C8orf76: variants seen among roughly 807,000 people sequenced by gnomAD.
The protein encoded by C8orf76 is chromosome 8 open reading frame 76.
A neutral mutation model predicts 38.1 loss-of-function variants in C8orf76; 46 were observed. The ratio of observed to expected loss-of-function variants is 1.21; its 90% confidence interval spans 0.95 to 1.54. The LOEUF (loss-of-function observed/expected upper bound fraction) is 1.54, where lower values mean the gene tolerates loss of function less well. Ranked by LOEUF, C8orf76 falls within the 40% of genes most tolerant of loss-of-function variation. C8orf76 has a pLI of 0.00. For missense variants in C8orf76, 461 were observed against 441.6 expected (o/e 1.04, Z -0.39); for synonymous variants, 166 against 167.5 (o/e 0.99, Z 0.07).
intron 2 of C8orf76, chr8:123,238,841 T>A (rs1217499658): frequency 2.0e-6 from 1 of 508,338 alleles, no homozygotes; most frequent in African/African-American, 1.9e-5. Flanking sequence ...CCCAAAGAGA[T>A]CCTTTTGTTG....
intron 5 of C8orf76, 77 bp from the exon 6 acceptor site, chr8:123,220,374 G>C: frequency 9.0e-7 from 1 of 1,117,024 alleles, no homozygotes. Context: ...AACTGCGAAG[G>C]CTTTCATTCA....
chr8:123,222,322 T>G (rs1045434658), intron 5 of C8orf76, among the ~76,000 whole-genome samples: 25 of 152,370 alleles, frequency 1.6e-4, no homozygotes, highest in Admixed American at 8.5e-4. Flanking sequence ...TCAAATGATA[T>G]GTCTTAAAAC....
Position 123,220,151 on chromosome 8 carries a change from G to C in C8orf76, c.1095C>G (p.Phe365Leu). 1 of 1,613,078 alleles carries C rather than the reference G, an allele frequency of 6.2e-7. No homozygotes were observed. The highest frequency in any genetic ancestry group is 8.5e-7 in the Non-Finnish European group (1 of 1,179,730). ...DKWFRKIKDH[F>L]CPFENQFHTE... ...TATGGAACTGATTTTCAAATGGACA[G>C]AAATGGTCTTTGATCTTTCTGAACC... Residue 365 changes from phenylalanine (F) to leucine (L), a missense_variant, in exon 6 of 6, where the codon TTC (phenylalanine) becomes TTG (leucine). By Grantham distance (22) the Phe-to-Leu change is conservative. Transcript: ENST00000276704.
chr8:123,237,722 G>T, intron 3 of C8orf76, 76 bp downstream of exon 3: 1 of 1,494,432 alleles, frequency 6.7e-7, no homozygotes, highest in Non-Finnish European at 8.9e-7. Context: ...CAAGAAGTTT[G>T]TTTTGTTTTC....
intron 3 of C8orf76, among the ~76,000 whole-genome samples, chr8:123,236,327 A>C (rs1348405378): frequency 1.3e-5 from 2 of 152,184 alleles, no homozygotes; most frequent in African/African-American, 4.8e-5. Flanking sequence ...AAACTAGTCC[A>C]TTTAGACTAA....
Position 123,220,204 on chromosome 8 carries a change from C to T in C8orf76, c.1042G>A (p.Val348Ile). The T allele has an allele frequency of 6.2e-7, 1 of 1,613,836 alleles. No homozygotes were observed. ...GSVALTALVT[V>I]SSEEFEDKWF... Reference sequence around the variant, plus strand: ...TTGTCTTCAAATTCTTCTGAGGATACAGTCACCAAGGCAGTCAGGGCTACG... The same window carrying T: ...TTGTCTTCAAATTCTTCTGAGGATATAGTCACCAAGGCAGTCAGGGCTACG... The change falls in exon 6 of 6, where the codon GTA (valine) becomes ATA (isoleucine). Residue 348 changes from valine to isoleucine, a missense_variant. Physicochemically the swap from Val to Ile is conservative, Grantham distance 29. Coordinates refer to ENST00000276704, the MANE Select transcript of C8orf76 (RefSeq NM_032847.3).
In C8orf76 at chr8:123,241,239, G is replaced by C. The variant is rs200433756; in HGVS notation, c.108C>G (p.Cys36Trp). Residue 36 changes from cysteine to tryptophan, a missense_variant, in exon 1 of 6, where the codon TGC (cysteine) becomes TGG (tryptophan). By Grantham distance (215) the Cys-to-Trp change is radical. Transcript: ENST00000276704. ...GGCCCCAGCTTCTCACCTGCGGCTC[G>C]CAGAGCTTGGCGCAGTAGGACGCGG... ...GPPASYCAKL[C>W]EPQWFYEETE... 2.5e-6 allele frequency: 4 copies of C among 1,584,696 alleles called. No homozygotes were observed. Among genetic ancestry groups the C allele is most frequent in the East Asian group, 4.8e-5 (2 of 41,414 alleles).
chr8:123,223,612 A>G (rs1444900545), intron 5 of C8orf76, among the ~76,000 whole-genome samples: 2 of 151,952 alleles, frequency 1.3e-5, no homozygotes, highest in African/African-American at 4.8e-5. Context: ...CGTCTCAAAC[A>G]AAAAAAACAA....
Position 123,220,224 on chromosome 8 carries a change from G to A in C8orf76, c.1022C>T (p.Ala341Val). 2 of 1,613,658 alleles carry A rather than the reference G, an allele frequency of 1.2e-6. No homozygotes were observed. Among genetic ancestry groups the A allele is most frequent in the Non-Finnish European group, 8.5e-7 (1 of 1,179,764 alleles). Residue 341 changes from alanine to valine, a missense_variant, in exon 6 of 6, where the codon GCC (alanine) becomes GTC (valine). By Grantham distance (64) the Ala-to-Val change is moderately conservative. Coordinates refer to ENST00000276704, the MANE Select transcript of C8orf76 (RefSeq NM_032847.3). Reference protein sequence around the residue: ...HPEVKCVGSVALTALVTVSSE... With the variant: ...HPEVKCVGSVVLTALVTVSSE... ...GGATACAGTCACCAAGGCAGTCAGG[G>A]CTACGGAGCCAACACACTTCACCTC...
Position 123,220,279 on chromosome 8 carries a change from G to A in C8orf76, c.967C>T (p.Pro323Ser). 2.5e-6 allele frequency: 4 copies of A among 1,599,204 alleles called. No homozygotes were observed. Among genetic ancestry groups the A allele is most frequent in the Non-Finnish European group, 3.4e-6 (4 of 1,174,320 alleles). Residue 323 changes from proline to serine, a missense_variant, in exon 6 of 6, where the codon CCA (proline) becomes TCA (serine). Pro to Ser is a moderately conservative substitution (Grantham distance 74). Transcript: ENST00000276704. The stretch of plus-strand genomic sequence containing the variant: ...TGAACTTCATCTTTTATTTTTTCTG[G>A]GATATCTTCTCCCATAACCTATAAC... ...LIAEVMGEDI[P>S]EKIKDEVHPE...
chr8:123,231,923 T>G (rs916467311), intron 3 of C8orf76, among the ~76,000 whole-genome samples, 166 bp from the exon 4 acceptor site: 1 of 152,172 alleles, frequency 6.6e-6, no homozygotes, highest in African/African-American at 2.4e-5. Context: ...TTTGAAACCG[T>G]AAACCCAGAG....
chr8:123,239,319 C>T, intron 1 of C8orf76, 175 bp from the exon 2 acceptor site: 1 of 586,284 alleles, frequency 1.7e-6, no homozygotes. Context: ...CCCACCTTGG[C>T]CTCCCAAAGT....
chr8:123,233,425 C>T (rs1453021425), intron 3 of C8orf76, among the ~76,000 whole-genome samples: 1 of 149,438 alleles, frequency 6.7e-6, no homozygotes, highest in Non-Finnish European at 1.5e-5. Flanking sequence ...GATGGAGTCT[C>T]ATTCTTTTGC....
In C8orf76 at chr8:123,241,296, G is replaced by T; in HGVS notation, c.51C>A (p.Phe17Leu). Residue 17 changes from phenylalanine (F) to leucine (L), a missense_variant, in exon 1 of 6, where the codon TTC becomes TTA. By Grantham distance (22) the Phe-to-Leu change is conservative. Coordinates refer to ENST00000276704, the MANE Select transcript of C8orf76 (RefSeq NM_032847.3). ...CTGACCGCCGCTCCGGCCTCTCCTC[G>T]AACACCGAGTCCTCGAACTCGCCGC... ...LFGGEFEDSV[F>L]EERPERRSGP... 6.3e-7 allele frequency: 1 copy of T among 1,576,782 alleles called. No individual in the cohort carries two copies.
Position 123,226,592 on chromosome 8 carries a change from CA to C in C8orf76, c.855del (p.Phe285LeufsTer7), listed in dbSNP as rs1563797552. 6.2e-7 allele frequency: 1 copy of C among 1,610,502 alleles called. No individual in the cohort carries two copies. The highest frequency in any genetic ancestry group is 8.5e-7 in the Non-Finnish European group (1 of 1,179,224). On this transcript the variant is annotated frameshift_variant, in exon 5 of 6. Transcript: ENST00000276704. LOFTEE classifies it high-confidence loss of function. ...TGAGTCCTTAAGTTCCTCTCCAAAG[CA>C]AACGATGTTTGCTGAGGTTGGGTAA... is the stretch of plus-strand genomic sequence containing the variant. ...LQFTQPQQTSFALERNLRTQQ... is the reference protein window; with the variant it reads ...LQFTQPQQTSXALERNLRTQQ...
chr8:123,230,681 T>G (rs1480808006), intron 4 of C8orf76, among the ~76,000 whole-genome samples: 2 of 150,872 alleles, frequency 1.3e-5, no homozygotes, highest in African/African-American at 4.9e-5. Flanking sequence ...AGACGGAGTC[T>G]TGCCCTGTCG....
chr8:123,240,930 C>G (rs545947929), intron 1 of C8orf76, among the ~76,000 whole-genome samples: 6 of 152,164 alleles, frequency 3.9e-5, no homozygotes, highest in African/African-American at 1.4e-4. Flanking sequence ...TGAAGACAAA[C>G]GGGAGGTACC....
intron 3 of C8orf76, among the ~76,000 whole-genome samples, chr8:123,232,153 A>T (rs1188551949): frequency 6.6e-6 from 1 of 152,222 alleles, no homozygotes; most frequent in Non-Finnish European, 1.5e-5. Flanking sequence ...TTCCATTGTA[A>T]TATTCAAGGC....
At chr8:123,222,232 C>T (rs1346334515) in intron 5 of C8orf76, among the ~76,000 whole-genome samples, 4 of 152,222 alleles carry the variant, frequency 2.6e-5, no homozygotes, top group Non-Finnish European at 5.9e-5. Flanking sequence ...GATCCACCCG[C>T]TTCGGCCTCC....
Sources: gnomAD v4.1 joint callset for allele counts (sites outside exome capture counted in the v4.1 genomes callset) on GRCh38, gnomAD v4.1.1 for gene constraint, MANE v1.5 for transcripts, NCBI Gene and HGNC (gene_info 2026-07-23, HGNC 2026-07-21) for gene names.